The following CLEC16A variants were observed in gnomAD, a reference collection of about 807,000 sequenced individuals.
CLEC16A encodes protein CLEC16A.
CLEC16A carries 51 observed loss-of-function variants against 109.5 expected under a neutral mutation model. That is an observed-to-expected ratio of 0.47 (90% CI 0.37 to 0.59). The LOEUF is 0.59. Among genes scored for constraint, CLEC16A ranks in the 20% least tolerant of loss-of-function variants. CLEC16A has a pLI of 0.00. For synonymous variants in CLEC16A, 673 were observed against 564.2 expected, an observed-to-expected ratio of 1.19 and a Z score of -2.73; for missense variants, 1,339 against 1,394.0, an observed-to-expected ratio of 0.96 and a Z score of 0.63.
At chr16:11,130,352 G>A (rs1213021531) in intron 22 of CLEC16A, among the ~76,000 whole-genome samples, 1 of 152,196 alleles carries the variant, frequency 6.6e-6, no homozygotes, top group Admixed American at 6.5e-5. Context: ...TAGATACTTG[G>A]TGGTTTAGTC....
At chr16:10,966,777 T>C (rs914833240) in intron 3 of CLEC16A, among the ~76,000 whole-genome samples, 1 of 152,132 alleles carries the variant, frequency 6.6e-6, no homozygotes, top group Non-Finnish European at 1.5e-5. Context: ...GAGAACAGGA[T>C]GGGGGAAACC....
chr16:11,043,613 C>G (rs938594291), intron 15 of CLEC16A, among the ~76,000 whole-genome samples: 1 of 152,070 alleles, frequency 6.6e-6, no homozygotes. Flanking sequence ...GCCTGTAATC[C>G]CAGCACTTTG....
At chr16:10,966,911 G>A (rs1219555627) in intron 3 of CLEC16A, among the ~76,000 whole-genome samples, 1 of 152,164 alleles carries the variant, frequency 6.6e-6, no homozygotes, top group Non-Finnish European at 1.5e-5. Context: ...ATATGTGTGT[G>A]TATATTTCCA....
At chr16:11,171,637 G>A (rs1373780300) in intron 23 of CLEC16A, among the ~76,000 whole-genome samples, 1 of 152,170 alleles carries the variant, frequency 6.6e-6, no homozygotes, top group African/African-American at 2.4e-5. Flanking sequence ...ATGGTTTTGA[G>A]AAGCTGAACT....
chr16:11,161,725 G>A (rs999004898), intron 22 of CLEC16A, among the ~76,000 whole-genome samples: 2 of 152,186 alleles, frequency 1.3e-5, no homozygotes, highest in African/African-American at 2.4e-5. Flanking sequence ...TCTCTCTCCC[G>A]TTGCTGTCCT....
intron 22 of CLEC16A, among the ~76,000 whole-genome samples, chr16:11,152,311 A>G (rs570923986): frequency 2.0e-5 from 3 of 152,362 alleles, no homozygotes; most frequent in Admixed American, 6.5e-5. Context: ...CACACCCACA[A>G]GATCTTCCCT....
At chr16:11,121,232 G>A (rs1180653178) in intron 20 of CLEC16A, among the ~76,000 whole-genome samples, 1 of 152,178 alleles carries the variant, frequency 6.6e-6, no homozygotes, top group Non-Finnish European at 1.5e-5. Context: ...AGACTTCCTG[G>A]TATTCTTTTT....
At chr16:11,166,344 C>T in intron 22 of CLEC16A, 44 bp from the exon 23 acceptor site, 1 of 1,559,116 alleles carries the variant, frequency 6.4e-7, no homozygotes, top group Non-Finnish European at 8.7e-7. Context: ...GCCCTCAGGC[C>T]TACTCTTTGC....
chr16:10,956,958 A>G (rs2145920019), intron 1 of CLEC16A, among the ~76,000 whole-genome samples: 1 of 152,118 alleles, frequency 6.6e-6, no homozygotes, highest in Non-Finnish European at 1.5e-5. Context: ...CACCACACCC[A>G]GCTAATGTTT....
intron 22 of CLEC16A, among the ~76,000 whole-genome samples, chr16:11,159,900 T>C (rs2054660657): frequency 6.6e-6 from 1 of 152,210 alleles, no homozygotes; most frequent in Non-Finnish European, 1.5e-5. Flanking sequence ...GGTTTTAAAA[T>C]ATAACATAAG....
chr16:11,117,431 A>G (rs2052078502), intron 19 of CLEC16A, among the ~76,000 whole-genome samples: 1 of 152,200 alleles, frequency 6.6e-6, no homozygotes, highest in African/African-American at 2.4e-5. Flanking sequence ...TTGTAGGGAT[A>G]GTTTTTTTTA....
chr16:10,995,453 C>T (rs111596634), intron 10 of CLEC16A, among the ~76,000 whole-genome samples: 100 of 152,332 alleles, frequency 6.6e-4, no homozygotes, highest in African/African-American at 2.2e-3. Flanking sequence ...GTCTAGCCCA[C>T]TAACAAAGCA....
intron 19 of CLEC16A, among the ~76,000 whole-genome samples, chr16:11,067,131 G>C (rs1172359520): frequency 6.7e-6 from 1 of 149,230 alleles, no homozygotes; most frequent in Non-Finnish European, 1.5e-5. Context: ...CTTTAATGGG[G>C]AGTGGGTTTG....
chr16:11,003,164 C>T lies in CLEC16A; in HGVS notation c.1162C>T (p.Gln388Ter). Residue 388 changes from glutamine (Q) to a stop codon, truncating the protein, a stop_gained, in exon 11 of 24, where the codon CAA becomes TAA. Transcript: ENST00000409790. LOFTEE classifies it high-confidence loss of function. ...MNKHKGKRRV[Q>*]KRPNYKNVGE... ...CAAGCACAAGGGCAAGAGGCGGGTG[C>T]AAAAGAGACCCAACTACAAAAACGT... 6.2e-7 allele frequency: 1 copy of T among 1,613,102 alleles called. No individual in the cohort carries two copies. The highest frequency in any genetic ancestry group is 1.1e-5 in the South Asian group (1 of 91,026).
intron 22 of CLEC16A, among the ~76,000 whole-genome samples, chr16:11,136,981 C>T (rs1311382974): frequency 6.6e-6 from 1 of 152,242 alleles, no homozygotes; most frequent in Non-Finnish European, 1.5e-5. Flanking sequence ...CCATGCCCTC[C>T]GTTCTGAAGC....
intron 22 of CLEC16A, among the ~76,000 whole-genome samples, chr16:11,161,988 T>C (rs965129039): frequency 6.6e-6 from 1 of 152,228 alleles, no homozygotes; most frequent in Admixed American, 6.5e-5. Context: ...GAGGGGGGCA[T>C]GTCCAAGGTC....
intron 22 of CLEC16A, among the ~76,000 whole-genome samples, chr16:11,133,145 C>G (rs1362045207): frequency 1.8e-4 from 27 of 152,206 alleles, no homozygotes; most frequent in Middle Eastern, 3.4e-3. Flanking sequence ...TCGAGACCAG[C>G]CTGGCCGACA....
At chr16:10,952,730 G>A (rs2041797481) in intron 1 of CLEC16A, among the ~76,000 whole-genome samples, 1 of 152,212 alleles carries the variant, frequency 6.6e-6, no homozygotes, top group African/African-American at 2.4e-5. Context: ...AGGTGAAGGT[G>A]TAACCCTCAT....
In CLEC16A at chr16:11,039,738, T is replaced by G. The variant is rs757970406; in HGVS notation, c.1538-16T>G. Reference sequence around the variant, plus strand: ...AGTCAGGAGGCCTCCACTTACATCCTTCTCCTCTGTTCCAGGCATGGATCC... The same window carrying G: ...AGTCAGGAGGCCTCCACTTACATCCGTCTCCTCTGTTCCAGGCATGGATCC... On this transcript the variant is annotated splice_polypyrimidine_tract_variant and intron_variant, in intron 13 of 23. Coordinates refer to ENST00000409790, the MANE Select transcript of CLEC16A (RefSeq NM_015226.3). 1 of 1,588,924 alleles carries G rather than the reference T, an allele frequency of 6.3e-7. No homozygotes were observed. Among genetic ancestry groups the G allele is most frequent in the Admixed American group, 1.8e-5 (1 of 56,400 alleles).
Sources: allele counts gnomAD v4.1 joint callset (sites outside exome capture counted in the v4.1 genomes callset), GRCh38; gene constraint gnomAD v4.1.1; transcripts MANE v1.5; gene names NCBI Gene and HGNC (gene_info 2026-07-23, HGNC 2026-07-21).